NCAPG: variants seen among roughly 807,000 people sequenced by gnomAD.
NCAPG encodes the protein condensin complex subunit 3.
NCAPG carries 69 observed loss-of-function variants against 113.1 expected under a neutral mutation model. The ratio of observed to expected loss-of-function variants is 0.61; its 90% CI spans 0.50 to 0.75. The LOEUF (loss-of-function observed/expected upper bound fraction) is 0.75. Among genes scored for constraint, NCAPG ranks in the 30% least tolerant of loss-of-function variants. The pLI, the probability that NCAPG is intolerant of heterozygous loss-of-function variation, is 0.00. For synonymous variants in NCAPG, 370 were observed against 415.8 expected, an observed-to-expected ratio of 0.89 and a Z score of 1.34; for missense variants, 1,058 against 1,177.0, an observed-to-expected ratio of 0.90 and a Z score of 1.48.
At chr4:17,818,664 GAAC>G (rs1721317961) in intron 7 of NCAPG, among the ~76,000 whole-genome samples, 1 of 152,146 alleles carries the variant, frequency 6.6e-6, no homozygotes, top group African/African-American at 2.4e-5. Context: ...TTGATGCACG[GAAC>G]ATTGTTTTCC....
chr4:17,843,407 C>CAATG lies in NCAPG; in HGVS notation c.3033_3036dup (p.Asp1013Ter). Reference sequence around the variant, plus strand: ...GTAAACTTAACCTTGCCCAATTTCTCAATGAAGATCTAAGTTAGGAAAGAC... The same window carrying CAATG: ...GTAAACTTAACCTTGCCCAATTTCTCAATGAATGAAGATCTAAGTTAGGAAAGAC... On this transcript the variant is annotated frameshift_variant, in exon 21 of 21. Coordinates refer to ENST00000251496, the MANE Select transcript of NCAPG (RefSeq NM_022346.5). LOFTEE classifies it high-confidence loss of function. The CAATG allele has an allele frequency of 6.2e-7, 1 of 1,611,224 alleles. No individual in the cohort carries two copies. Among genetic ancestry groups the CAATG allele is most frequent in the Non-Finnish European group, 8.5e-7 (1 of 1,177,786 alleles).
intron 5 of NCAPG, among the ~76,000 whole-genome samples, chr4:17,815,699 A>G (rs1009403827): frequency 6.6e-6 from 1 of 151,994 alleles, no homozygotes; most frequent in African/African-American, 2.4e-5. Flanking sequence ...TAATTTTTAT[A>G]TTTTTATAGA....
At position 17,834,486 on chromosome 4, in the gene NCAPG, A is replaced by C; in HGVS notation, c.2072A>C (p.Asn691Thr). 6.2e-7 allele frequency: 1 copy of C among 1,600,978 alleles called. No homozygotes were observed. Residue 691 changes from asparagine (N) to threonine (T), a missense_variant, in exon 14 of 21, where the codon AAT (asparagine) becomes ACT (threonine). By Grantham distance (65) the Asn-to-Thr change is moderately conservative. Transcript: ENST00000251496. ...GTTGAAGAGACTGCTACAGCTAAGAATGTTCTGAAACTCCTTTCTGATTTC... is the reference window on the plus strand; with the variant it reads ...GTTGAAGAGACTGCTACAGCTAAGACTGTTCTGAAACTCCTTTCTGATTTC... ...KEVEETATAK[N>T]VLKLLSDFLD...
intron 14 of NCAPG, among the ~76,000 whole-genome samples, chr4:17,836,626 G>T (rs1282187553): frequency 3.3e-5 from 5 of 152,118 alleles, no homozygotes; most frequent in African/African-American, 1.2e-4. Flanking sequence ...CTAAGGTCCA[G>T]CTTCATTGTT....
Position 17,843,521 on chromosome 4 carries a change from G to GTCTT in NCAPG, c.*100_*103dup. ...TTGTCAAAATCAGAACAAACCTGAT[G>GTCTT]TCTTTCTGAAGATTTTCTGCTGTGC... On this transcript the variant is annotated 3_prime_UTR_variant, in exon 21 of 21. Coordinates refer to ENST00000251496, the MANE Select transcript of NCAPG (RefSeq NM_022346.5). 7.1e-7 allele frequency: 1 copy of GTCTT among 1,399,194 alleles called. No homozygotes were observed. Among genetic ancestry groups the GTCTT allele is most frequent in the Non-Finnish European group, 9.8e-7 (1 of 1,018,588 alleles). 86.7% of individuals were successfully genotyped at this position (1,399,194 alleles called of 1,614,324 possible). A position where few individuals can be genotyped will look rare whatever the true frequency, so the allele number is the denominator to read the frequency against.
At position 17,819,171 on chromosome 4, in the gene NCAPG, A is replaced by G. The variant is rs142269762; in HGVS notation, c.1118+1083A>G. Among the ~76,000 whole-genome samples the G allele has an allele frequency of 6.7e-3, 1,019 of 152,180 alleles. 15 individuals carry two copies. The highest frequency in any genetic ancestry group is 0.024 in the African/African-American group (980 of 41,518). On this transcript the variant is annotated intron_variant, in intron 7 of 20. Coordinates refer to ENST00000251496, the MANE Select transcript of NCAPG (RefSeq NM_022346.5). ...TAGATACTGTTACAGTCTTAACAGC[A>G]TATCATTCCGTAGTATGGTGGTAAC...
intron 13 of NCAPG, among the ~76,000 whole-genome samples, chr4:17,831,824 G>A (rs1383703266): frequency 6.6e-6 from 1 of 152,184 alleles, no homozygotes; most frequent in South Asian, 2.1e-4. Context: ...CTGTAAAGAT[G>A]TCAGTTTTCA....
intron 7 of NCAPG, 79 bp downstream of exon 7, chr4:17,818,167 A>G: frequency 7.0e-7 from 1 of 1,433,988 alleles, no homozygotes; most frequent in Admixed American, 2.4e-5. Context: ...CCTCAAAGTC[A>G]TGTTTGATTG....
At chr4:17,823,228 A>G in intron 8 of NCAPG, 105 bp downstream of exon 8, 1 of 1,118,632 alleles carries the variant, frequency 8.9e-7, no homozygotes, top group Non-Finnish European at 1.3e-6. Context: ...TAGCTCTCTA[A>G]AGTGGTATAA....
Position 17,815,271 on chromosome 4 carries a change from A to C in NCAPG, c.691-3A>C. ...ATGACCATCTTTATAAATTATTTTTAAGGTTTTAGCTGAAAAGGTTCATAT... is the reference window on the plus strand; with the variant it reads ...ATGACCATCTTTATAAATTATTTTTCAGGTTTTAGCTGAAAAGGTTCATAT... On this transcript the variant is annotated splice_polypyrimidine_tract_variant and splice_region_variant and intron_variant, in intron 4 of 20. Transcript: ENST00000251496. 2 of 1,594,464 alleles carry C rather than the reference A, an allele frequency of 1.3e-6. No individual in the cohort carries two copies. The highest frequency in any genetic ancestry group is 1.7e-6 in the Non-Finnish European group (2 of 1,172,604).
At chr4:17,822,384 T>C (rs925249499) in intron 7 of NCAPG, among the ~76,000 whole-genome samples, 1 of 151,594 alleles carries the variant, frequency 6.6e-6, no homozygotes, top group Non-Finnish European at 1.5e-5. Context: ...TAGAGACAGG[T>C]TTTCACCATC....
At position 17,837,260 on chromosome 4, in the gene NCAPG, G is replaced by C. The variant is rs1722138598; in HGVS notation, c.2211G>C (p.Trp737Cys). 1 of 1,613,844 alleles carries C rather than the reference G, an allele frequency of 6.2e-7. No homozygotes were observed. Among genetic ancestry groups the C allele is most frequent in the Non-Finnish European group, 8.5e-7 (1 of 1,179,954 alleles). Residue 737 changes from tryptophan (W) to cysteine (C), a missense_variant, in exon 15 of 21, where the codon TGG (tryptophan) becomes TGC (cysteine). Physicochemically the swap from Trp to Cys is radical, Grantham distance 215 (BLOSUM62 -2). Coordinates refer to ENST00000251496, the MANE Select transcript of NCAPG (RefSeq NM_022346.5). ...TTCTTTCTCGTCTTATTTTGTTATGGTACAATCCTGTGACTGAAGAGGATG... is the reference window on the plus strand; with the variant it reads ...TTCTTTCTCGTCTTATTTTGTTATGCTACAATCCTGTGACTGAAGAGGATG... Reference protein sequence around the residue: ...SRILSRLILLWYNPVTEEDVQ... With the variant: ...SRILSRLILLCYNPVTEEDVQ...
chr4:17,815,275 T>G lies in NCAPG; in HGVS notation c.692T>G (p.Val231Gly). Reference sequence around the variant, plus strand: ...CCATCTTTATAAATTATTTTTAAGGTTTTAGCTGAAAAGGTTCATATGAGA... The same window carrying G: ...CCATCTTTATAAATTATTTTTAAGGGTTTAGCTGAAAAGGTTCATATGAGA... ...KEAVRKLAYQ[V>G]LAEKVHMRAM... Residue 231 changes from valine (V) to glycine (G), a missense_variant and splice_region_variant, in exon 5 of 21, where the codon GTT (valine) becomes GGT (glycine). By Grantham distance (109) the Val-to-Gly change is moderately radical (BLOSUM62 -3). Coordinates refer to ENST00000251496, the MANE Select transcript of NCAPG (RefSeq NM_022346.5). The G allele has an allele frequency of 3.8e-6, 6 of 1,596,946 alleles. No homozygotes were observed. The highest frequency in any genetic ancestry group is 5.1e-6 in the Non-Finnish European group (6 of 1,174,696).
chr4:17,831,116 G>T lies in NCAPG; in HGVS notation c.1884G>T (p.Gln628His), dbSNP rs1457266650. Residue 628 changes from glutamine (Q) to histidine (H), a missense_variant and splice_region_variant, in exon 13 of 21, where the codon CAG (glutamine) becomes CAT (histidine). Transcript: ENST00000251496. ...FARKHFVLLL[Q>H]VLQIDDVTIK... Reference sequence around the variant, plus strand: ...GGAAACACTTCGTATTACTATTGCAGGTAGGATTTATCTTGTGATAAATCT... The same window carrying T: ...GGAAACACTTCGTATTACTATTGCATGTAGGATTTATCTTGTGATAAATCT... 3 of 1,611,900 alleles carry T rather than the reference G, an allele frequency of 1.9e-6. No homozygotes were observed. In the South Asian group the frequency reaches 3.3e-5, roughly 18 times the overall value.
intron 7 of NCAPG, among the ~76,000 whole-genome samples, chr4:17,819,577 T>G (rs895469498): frequency 9.2e-5 from 14 of 152,162 alleles, no homozygotes; most frequent in Non-Finnish European, 8.8e-5. Context: ...AATTTTTGTA[T>G]TTTTAGTAGA....
At chr4:17,837,370 C>A in intron 15 of NCAPG, 30 bp downstream of exon 15, 3 of 1,568,396 alleles carry the variant, frequency 1.9e-6, no homozygotes, top group Non-Finnish European at 2.6e-6. Context: ...AATCAAAAAT[C>A]TGACTTGACA....
chr4:17,834,248 C>A, intron 13 of NCAPG, 51 bp from the exon 14 acceptor site: 2 of 1,202,106 alleles, frequency 1.7e-6, no homozygotes, highest in Non-Finnish European at 2.3e-6. Flanking sequence ...TAAACAGAAA[C>A]AAAACAGTTT....
At chr4:17,817,197 C>A in intron 5 of NCAPG, 64 bp from the exon 6 acceptor site, 1 of 1,226,966 alleles carries the variant, frequency 8.2e-7, no homozygotes, top group Non-Finnish European at 1.2e-6. Flanking sequence ...TTAAAACAGA[C>A]AAAATACAAG....
At chr4:17,815,818 C>G (rs527342328) in intron 5 of NCAPG, among the ~76,000 whole-genome samples, 31 of 152,316 alleles carry the variant, frequency 2.0e-4, no homozygotes, top group African/African-American at 7.0e-4. Flanking sequence ...GCCACCGCGT[C>G]TGGCCAAGAT....
Sources: allele counts gnomAD v4.1 joint callset (sites outside exome capture counted in the v4.1 genomes callset), GRCh38; gene constraint gnomAD v4.1.1; transcripts MANE v1.5; gene names NCBI Gene and HGNC (gene_info 2026-07-23, HGNC 2026-07-21).